Variants in MED12L observed in about 807,000 individuals in gnomAD.
MED12L encodes the protein mediator of RNA polymerase II transcription subunit 12-like protein.
MED12L carries 60 observed loss-of-function variants against 281.3 expected under a neutral mutation model. That is an observed-to-expected ratio of 0.21 (90% CI 0.17 to 0.26). The LOEUF is 0.26. Ranked by LOEUF, MED12L falls within the 10% of genes least tolerant of loss-of-function variation. The pLI, the probability that MED12L is intolerant of heterozygous loss-of-function variation, is 1.00. For synonymous variants in MED12L, 974 were observed against 987.2 expected, an observed-to-expected ratio of 0.99 and a Z score of 0.25; for missense variants, 2,146 against 2,680.9, an observed-to-expected ratio of 0.80 and a Z score of 4.41.
chr3:151,163,854 C>T, intron 8 of MED12L, 39 bp from the exon 9 acceptor site: 1 of 1,592,020 alleles, frequency 6.3e-7, no homozygotes, highest in South Asian at 1.1e-5. Context: ...TGCTTTTCTC[C>T]TTCCTCTGAA....
At chr3:151,390,173 A>G (rs1198018629) in intron 38 of MED12L, 38 bp downstream of exon 38, 3 of 1,602,448 alleles carry the variant, frequency 1.9e-6, no homozygotes, top group African/African-American at 2.7e-5. Flanking sequence ...CAGAGATGAG[A>G]AACAGCTTGT....
intron 16 of MED12L, among the ~76,000 whole-genome samples, chr3:151,233,859 G>C (rs1022195457): frequency 1.3e-5 from 2 of 152,220 alleles, no homozygotes; most frequent in Admixed American, 1.3e-4. Flanking sequence ...GTCCTGAATT[G>C]TGTGTTTTTT....
At chr3:151,407,859 C>T (rs2108335166) in intron 39 of MED12L, among the ~76,000 whole-genome samples, 2 of 152,108 alleles carry the variant, frequency 1.3e-5, no homozygotes, top group Middle Eastern at 6.8e-3. Context: ...CGTAAATGGC[C>T]ACGTGATTTT....
intron 43 of MED12L, among the ~76,000 whole-genome samples, chr3:151,425,970 G>A (rs1577625512): frequency 6.6e-6 from 1 of 152,138 alleles, no homozygotes; most frequent in African/African-American, 2.4e-5. Context: ...AGGCACAGAG[G>A]GGAGAGATCA....
chr3:151,376,665 C>A (rs1029425991), intron 28 of MED12L, 135 bp from the exon 29 acceptor site: 12 of 715,898 alleles, frequency 1.7e-5, no homozygotes, highest in Non-Finnish European at 2.3e-5. Context: ...AGATTGGGAA[C>A]CTTTTGACTC....
intron 44 of MED12L, among the ~76,000 whole-genome samples, chr3:151,431,901 G>A (rs909424676): frequency 2.0e-5 from 3 of 152,200 alleles, no homozygotes; most frequent in Non-Finnish European, 4.4e-5. Flanking sequence ...GGAAGCAACT[G>A]AAGAACGGGA....
At chr3:151,351,753 C>T (rs1010475658) in intron 17 of MED12L, among the ~76,000 whole-genome samples, 1 of 152,086 alleles carries the variant, frequency 6.6e-6, no homozygotes, top group Admixed American at 6.5e-5. Flanking sequence ...GAGGGTCTTT[C>T]CAGAGCCTAT....
intron 39 of MED12L, among the ~76,000 whole-genome samples, chr3:151,397,421 T>C (rs148523240): frequency 2.0e-3 from 302 of 152,380 alleles, no homozygotes; most frequent in African/African-American, 7.0e-3. Flanking sequence ...TACATCGAGC[T>C]AATGAGATTT....
chr3:151,320,012 C>T (rs1389481010), intron 16 of MED12L, among the ~76,000 whole-genome samples: 1 of 152,082 alleles, frequency 6.6e-6, no homozygotes, highest in Non-Finnish European at 1.5e-5. Flanking sequence ...ATTCTGTTTT[C>T]TCATGTTTTT....
At chr3:151,397,863 A>G (rs1715184136) in intron 39 of MED12L, among the ~76,000 whole-genome samples, 1 of 152,262 alleles carries the variant, frequency 6.6e-6, no homozygotes, top group South Asian at 2.1e-4. Context: ...CAAACATATT[A>G]GAGAATTTCC....
At chr3:151,166,510 G>A (rs1005108573) in intron 11 of MED12L, among the ~76,000 whole-genome samples, 2 of 152,122 alleles carry the variant, frequency 1.3e-5, no homozygotes, top group East Asian at 1.9e-4. Flanking sequence ...GAAAGGGGGG[G>A]AGAAAAGAGA....
intron 16 of MED12L, among the ~76,000 whole-genome samples, chr3:151,283,292 T>C (rs1240954229): frequency 6.6e-6 from 1 of 152,240 alleles, no homozygotes; most frequent in Non-Finnish European, 1.5e-5. Context: ...TCTGTATTGC[T>C]AGCATTAGAT....
chr3:151,342,432 A>G (rs1163614158), intron 16 of MED12L, among the ~76,000 whole-genome samples: 2 of 152,160 alleles, frequency 1.3e-5, no homozygotes, highest in East Asian at 3.8e-4. Context: ...ATTGGTTTTC[A>G]CAGTGCAGAG....
At chr3:151,306,745 C>T (rs575535728) in intron 16 of MED12L, among the ~76,000 whole-genome samples, 1 of 152,330 alleles carries the variant, frequency 6.6e-6, no homozygotes, top group East Asian at 1.9e-4. Context: ...TTTAACTCTC[C>T]CTGGGCTTCA....
At chr3:151,179,440 A>G (rs1722457433) in intron 11 of MED12L, among the ~76,000 whole-genome samples, 1 of 152,166 alleles carries the variant, frequency 6.6e-6, no homozygotes, top group Non-Finnish European at 1.5e-5. Flanking sequence ...CATTGCACCT[A>G]ATGAGTACCT....
chr3:151,183,215 G>A (rs896016330), intron 11 of MED12L, among the ~76,000 whole-genome samples: 20 of 152,268 alleles, frequency 1.3e-4, no homozygotes, highest in Admixed American at 9.8e-4. Flanking sequence ...CTAGTTAACA[G>A]TGTGACTATA....
chr3:151,355,456 A>G (rs970531295), intron 18 of MED12L, among the ~76,000 whole-genome samples: 1 of 152,200 alleles, frequency 6.6e-6, no homozygotes, highest in Non-Finnish European at 1.5e-5. Flanking sequence ...CCTTATGATA[A>G]TAATCGGTGA....
intron 16 of MED12L, among the ~76,000 whole-genome samples, chr3:151,330,956 A>G (rs981448824): frequency 7.2e-5 from 11 of 152,226 alleles, no homozygotes; most frequent in African/African-American, 2.7e-4. Context: ...ATTTTCCTAT[A>G]GCCCCAAATC....
intron 34 of MED12L, 69 bp from the exon 35 acceptor site, chr3:151,384,014 A>G: frequency 6.5e-7 from 1 of 1,529,504 alleles, no homozygotes; most frequent in Non-Finnish European, 8.9e-7. Context: ...TGCCTTGAAT[A>G]AAAATACTCA....
Sources: allele counts gnomAD v4.1 joint callset (sites outside exome capture counted in the v4.1 genomes callset), GRCh38; gene constraint gnomAD v4.1.1; transcripts MANE v1.5; gene names NCBI Gene and HGNC (gene_info 2026-07-23, HGNC 2026-07-21).